Variants in GPR55 observed in about 807,000 individuals in gnomAD.
The protein encoded by GPR55 is G-protein coupled receptor 55.
GPR55 carries 6 observed loss-of-function variants against 7.9 expected under a neutral mutation model. The ratio of observed to expected loss-of-function variants is 0.76; its 90% CI spans 0.41 to 1.49. The LOEUF (loss-of-function observed/expected upper bound fraction) is 1.49, where lower values mean the gene tolerates loss of function less well. Ranked by LOEUF, GPR55 falls within the 40% of genes most tolerant of loss-of-function variation. The probability of loss-of-function intolerance (pLI) is 0.01; values close to 1 mark genes in which losing one functional copy is unlikely to be tolerated. For synonymous variants in GPR55, 183 were observed against 166.8 expected (o/e 1.10, Z -0.75); for missense variants, 376 against 406.0 (o/e 0.93, Z 0.63).
At chr2:230,957,364 G>T (rs923868494) in intron 1 of GPR55, among the ~76,000 whole-genome samples, 1 of 152,240 alleles carries the variant, frequency 6.6e-6, no homozygotes, top group Non-Finnish European at 1.5e-5. Flanking sequence ...CATGACAGTC[G>T]ATCACTGACG....
upstream of GPR55, among the ~76,000 whole-genome samples, chr2:230,926,926 C>T (rs573491294): frequency 5.9e-5 from 9 of 152,080 alleles, no homozygotes; most frequent in African/African-American, 1.7e-4. Flanking sequence ...CTCCCGACCT[C>T]GTGATTCACC....
intron 1 of GPR55, among the ~76,000 whole-genome samples, chr2:230,956,777 T>C (rs1403463007): frequency 6.6e-6 from 1 of 152,256 alleles, no homozygotes; most frequent in Non-Finnish European, 1.5e-5. Flanking sequence ...TGTGTTGTAT[T>C]TGACTGTTTA....
At chr2:230,951,759 T>TG (rs970427816) in intron 1 of GPR55, among the ~76,000 whole-genome samples, 4 of 130,974 alleles carry the variant, frequency 3.1e-5, no homozygotes, top group African/African-American at 1.6e-4. Flanking sequence ...TATTGGGGTT[T>TG]TTTTTTTTTT....
At chr2:230,941,088 G>A (rs1574632445) in intron 1 of GPR55, among the ~76,000 whole-genome samples, 1 of 151,952 alleles carries the variant, frequency 6.6e-6, no homozygotes, top group East Asian at 1.9e-4. Context: ...CTGCACTCCA[G>A]CCCGGGCGAC....
At chr2:230,957,667 A>C (rs549064591) in intron 1 of GPR55, 2 of 544,444 alleles carry the variant, frequency 3.7e-6, no homozygotes, top group South Asian at 2.8e-5. Context: ...CAGGTGTTGA[A>C]AATATTCCCT....
At chr2:230,950,714 C>T (rs1303341966) in intron 1 of GPR55, among the ~76,000 whole-genome samples, 1 of 152,136 alleles carries the variant, frequency 6.6e-6, no homozygotes, top group Non-Finnish European at 1.5e-5. Context: ...GTTACAGTCT[C>T]GTGTTATGAC....
upstream of GPR55, among the ~76,000 whole-genome samples, chr2:230,928,286 G>A (rs1410721148): frequency 2.0e-5 from 3 of 152,164 alleles, no homozygotes; most frequent in Non-Finnish European, 2.9e-5. Context: ...GAAGGAATGA[G>A]GGCAGGAGTG....
At chr2:230,953,593 G>A (rs894531665) in intron 1 of GPR55, among the ~76,000 whole-genome samples, 6 of 152,194 alleles carry the variant, frequency 3.9e-5, no homozygotes, top group African/African-American at 1.4e-4. Flanking sequence ...CTAACCTACA[G>A]AACTGTAAGA....
At chr2:230,953,714 A>T (rs1266747640) in intron 1 of GPR55, among the ~76,000 whole-genome samples, 1 of 152,184 alleles carries the variant, frequency 6.6e-6, no homozygotes, top group Non-Finnish European at 1.5e-5. Context: ...ACCTGGTAAA[A>T]CCCTGTACAT....
chr2:230,923,535 A>T lies in GPR55; in HGVS notation c.-135+1633T>A, dbSNP rs1419282173. Reference sequence around the variant, plus strand: ...GGGCCACGATAGAAGAAGGAACAGGACACAGAGGGGACAGAGCACATGACC... The same window carrying T: ...GGGCCACGATAGAAGAAGGAACAGGTCACAGAGGGGACAGAGCACATGACC... On this transcript the variant is annotated intron_variant, in intron 1 of 1. Transcript: ENST00000650999. This position sits in a 1 kb window ranked among gnomAD's most constrained non-coding sequence, Gnocchi z 4.1. Among the ~76,000 whole-genome samples, 1 of 152,088 alleles carries T rather than the reference A, an allele frequency of 6.6e-6. No homozygotes were observed.
chr2:230,924,165 C>T lies in GPR55; in HGVS notation c.-135+1003G>A, dbSNP rs977438808. On this transcript the variant is annotated intron_variant, in intron 1 of 1. Transcript: ENST00000650999. This position sits in a 1 kb window ranked among gnomAD's most constrained non-coding sequence, Gnocchi z 4.5. ...TCACCGAGCCTCACATACAGTTTGT[C>T]GTTGGGAAGGTCTTATTGCATGAAA... is the stretch of plus-strand genomic sequence containing the variant. 3.9e-5 allele frequency among the ~76,000 whole-genome samples: 6 copies of T among 152,150 alleles called. No individual in the cohort carries two copies. The highest frequency in any genetic ancestry group is 1.3e-4 in the Admixed American group (2 of 15,280).
At chr2:230,951,657 A>G (rs916204398) in intron 1 of GPR55, among the ~76,000 whole-genome samples, 1 of 151,888 alleles carries the variant, frequency 6.6e-6, no homozygotes, top group Non-Finnish European at 1.5e-5. Flanking sequence ...CACAACTTAG[A>G]GTTGGCTGGG....
At chr2:230,926,864 C>T (rs575779689), upstream of GPR55, among the ~76,000 whole-genome samples, 74 of 151,538 alleles carry the variant, frequency 4.9e-4, no homozygotes, top group Admixed American at 9.8e-4. Context: ...TAACTTTTTT[C>T]GTATTTTTAG....
intron 1 of GPR55, among the ~76,000 whole-genome samples, chr2:230,922,421 G>T (rs987646772): frequency 6.6e-6 from 1 of 152,048 alleles, no homozygotes; most frequent in African/African-American, 2.4e-5. Flanking sequence ...TGTCACCCAG[G>T]CTGGAGTGCA....
At chr2:230,942,276 G>A (rs1691244365) in intron 1 of GPR55, among the ~76,000 whole-genome samples, 1 of 152,028 alleles carries the variant, frequency 6.6e-6, no homozygotes, top group South Asian at 2.1e-4. Flanking sequence ...GCAAGGGCCT[G>A]CCTCCTTCTT....
intron 1 of GPR55, among the ~76,000 whole-genome samples, chr2:230,955,692 A>G (rs539566435): frequency 1.3e-5 from 2 of 150,766 alleles, no homozygotes; most frequent in African/African-American, 4.9e-5. Flanking sequence ...CACAGCCAGA[A>G]AAGATTATGC....
chr2:230,939,228 C>A (rs1296983366), intron 1 of GPR55, among the ~76,000 whole-genome samples: 1 of 152,224 alleles, frequency 6.6e-6, no homozygotes, highest in Non-Finnish European at 1.5e-5. Flanking sequence ...TTTCCGGTGG[C>A]TCCGAGGAGC....
At chr2:230,932,123 G>A (rs1012165434) in intron 1 of GPR55, among the ~76,000 whole-genome samples, 25 of 152,312 alleles carry the variant, frequency 1.6e-4, no homozygotes, top group African/African-American at 5.5e-4. Context: ...ACCAGCCGCG[G>A]TCTGCACCCA....
rs141554653 is a variant in GPR55, at chr2:230,959,214, G to C, written c.-135+1561C>G. Among the ~76,000 whole-genome samples the C allele has an allele frequency of 8.3e-3, 1,266 of 152,350 alleles. 27 individuals carry two copies. Among genetic ancestry groups the C allele is most frequent in the African/African-American group, 0.029 (1,208 of 41,578 alleles). ...TAATCCCAGCACTTTGGGAGGCCAA[G>C]GTGGGCAGATCACTTAAGCCCAGGA... On this transcript the variant is annotated intron_variant, in intron 1 of 1. Transcript: ENST00000392039.
Sources: allele counts gnomAD v4.1 joint callset (sites outside exome capture counted in the v4.1 genomes callset), GRCh38; gene constraint gnomAD v4.1.1; non-coding constraint Gnocchi (gnomAD v3.1); transcripts MANE v1.5; gene names NCBI Gene and HGNC (gene_info 2026-07-23, HGNC 2026-07-21).